Variants in TESPA1 observed in about 807,000 individuals in gnomAD.
TESPA1 encodes the protein protein TESPA1.
A neutral mutation model predicts 57.9 loss-of-function variants in TESPA1; 33 were observed. The ratio of observed to expected loss-of-function variants is 0.57; its 90% CI spans 0.43 to 0.76. The LOEUF (loss-of-function observed/expected upper bound fraction) is 0.76. Among genes scored for constraint, TESPA1 ranks in the 30% least tolerant of loss-of-function variants. TESPA1 has a pLI of 0.00. For synonymous variants in TESPA1, 227 were observed against 228.9 expected, an observed-to-expected ratio of 0.99 and a Z score of 0.07; for missense variants, 618 against 632.9, an observed-to-expected ratio of 0.98 and a Z score of 0.25.
At chr12:54,963,515 G>A (rs539612165) in intron 8 of TESPA1, among the ~76,000 whole-genome samples, 1 of 152,338 alleles carries the variant, frequency 6.6e-6, no homozygotes, top group Admixed American at 6.5e-5. Flanking sequence ...AGGCAAGAAG[G>A]CCTAAAGGAA....
chr12:54,968,101 T>A, intron 3 of TESPA1: 7 of 1,237,628 alleles, frequency 5.7e-6, no homozygotes, highest in African/African-American at 1.5e-5. Flanking sequence ...TGGAATGCAC[T>A]ATATTTTAGA....
In TESPA1 at chr12:54,962,928, T is replaced by G. The variant is rs757630791; in HGVS notation, c.970A>C (p.Lys324Gln). The change falls in exon 9 of 11, where the codon AAA becomes CAA. Residue 324 changes from lysine to glutamine, a missense_variant. Coordinates refer to ENST00000449076, the MANE Select transcript of TESPA1 (RefSeq NM_001136030.3). ...TGCTGGAGGAACTGCTTCTCTTCTT[T>G]CACTTTGTCCATCACTTCCAACACA... Reference protein sequence around the residue: ...QVVLEVMDKVKEEKQFLQQDS... With the variant: ...QVVLEVMDKVQEEKQFLQQDS... The G allele has an allele frequency of 3.1e-6, 5 of 1,613,718 alleles. No homozygotes were observed. The highest frequency in any genetic ancestry group is 4.2e-6 in the Non-Finnish European group (5 of 1,179,848).
Position 54,950,223 on chromosome 12 carries a change from T to C in TESPA1, c.*169A>G, listed in dbSNP as rs1188166099. On this transcript the variant is annotated 3_prime_UTR_variant, in exon 11 of 11. Coordinates refer to ENST00000449076, the MANE Select transcript of TESPA1 (RefSeq NM_001136030.3). ...TCCAAATCGCTCAGTCTGGTCTTCC[T>C]CCCCATGTACCATGCTGCCTTTCTC... The C allele has an allele frequency of 2.2e-6, 1 of 455,216 alleles. No homozygotes were observed. The highest frequency in any genetic ancestry group is 4.4e-6 in the Non-Finnish European group (1 of 226,718). 28.2% of individuals were successfully genotyped at this position (455,216 alleles called of 1,614,324 possible).
intron 1 of TESPA1, among the ~76,000 whole-genome samples, chr12:54,978,593 G>A (rs975734721): frequency 2.0e-5 from 3 of 152,062 alleles, no homozygotes; most frequent in Admixed American, 1.3e-4. Flanking sequence ...CTGCACATGC[G>A]ACCTTCACAT....
rs1236399993 is a variant in TESPA1 at position 54,950,814 on chromosome 12, TACCATTCC to T, written c.*2-432_*2-425del. Among the ~76,000 whole-genome samples, 6 of 152,300 alleles carry T rather than the reference TACCATTCC, an allele frequency of 3.9e-5. 1 individual carries two copies. Among genetic ancestry groups the T allele is most frequent in the Admixed American group, 3.9e-4 (6 of 15,296 alleles). ...CTACATAGTAGAATTCTCAAATTTT[TACCATTCC>T]TTTCCTGACTCACACTTTTTAGTAA... is the stretch of plus-strand genomic sequence containing the variant. On this transcript the variant is annotated intron_variant, in intron 10 of 10. Transcript: ENST00000449076.
chr12:54,981,023 A>C (rs1361548423), intron 1 of TESPA1, among the ~76,000 whole-genome samples: 3 of 152,128 alleles, frequency 2.0e-5, no homozygotes, highest in African/African-American at 4.8e-5. Context: ...GGCCTCAAGC[A>C]ATCCTCCCAC....
At chr12:54,974,238 G>T (rs1459456323) in intron 2 of TESPA1, among the ~76,000 whole-genome samples, 162 bp downstream of exon 2, 2 of 152,142 alleles carry the variant, frequency 1.3e-5, no homozygotes, top group African/African-American at 2.4e-5. Context: ...TTCATATTTC[G>T]TATTACTTTA....
At chr12:54,962,386 A>C in intron 9 of TESPA1, 45 bp downstream of exon 9, 1 of 1,580,322 alleles carries the variant, frequency 6.3e-7, no homozygotes, top group Non-Finnish European at 8.6e-7. Flanking sequence ...GAAAGAATCT[A>C]CAGCCTTTCT....
intron 10 of TESPA1, among the ~76,000 whole-genome samples, chr12:54,958,499 T>G (rs1029490486): frequency 6.6e-6 from 1 of 151,614 alleles, no homozygotes; most frequent in South Asian, 2.1e-4. Context: ...CGTTTTTTTG[T>G]GCGTGTGTTT....
At chr12:54,977,254 G>A (rs1331674957) in intron 1 of TESPA1, among the ~76,000 whole-genome samples, 1 of 152,228 alleles carries the variant, frequency 6.6e-6, no homozygotes, top group South Asian at 2.1e-4. Flanking sequence ...AATACTCATT[G>A]TCTAAACGAG....
intron 1 of TESPA1, among the ~76,000 whole-genome samples, chr12:54,979,008 A>G (rs537472561): frequency 3.9e-5 from 6 of 152,350 alleles, no homozygotes; most frequent in African/African-American, 1.4e-4. Context: ...GCACTGGGAA[A>G]TTATCCCCAA....
Position 54,963,824 on chromosome 12 carries a change from C to T in TESPA1, c.573G>A (p.Gln191=). The T allele has an allele frequency of 6.2e-7, 1 of 1,613,966 alleles. No individual in the cohort carries two copies. Among genetic ancestry groups the T allele is most frequent in the Non-Finnish European group, 8.5e-7 (1 of 1,179,872 alleles). The change falls in exon 8 of 11, where the codon CAG becomes CAA. Residue 191 remains glutamine, a synonymous_variant. Coordinates refer to ENST00000449076, the MANE Select transcript of TESPA1 (RefSeq NM_001136030.3). ...IPARFFTTPS[Q]AKGIDFQLFL... ...AGAGCTGGAAATCAATGCCCTTGGC[C>T]TGAGAGGGGGTGGTGAAAAATCGGG... is the stretch of plus-strand genomic sequence containing the variant.
At chr12:54,983,069 C>T (rs1346508937) in intron 1 of TESPA1, among the ~76,000 whole-genome samples, 3 of 152,186 alleles carry the variant, frequency 2.0e-5, no homozygotes, top group Non-Finnish European at 4.4e-5. Flanking sequence ...TTTCCCCTTA[C>T]TGTAGCCCAG....
At chr12:54,962,294 GA>G (rs1951126966) in intron 9 of TESPA1, 136 bp downstream of exon 9, 2 of 1,058,104 alleles carry the variant, frequency 1.9e-6, no homozygotes, top group East Asian at 2.4e-5. Flanking sequence ...ACCCTGAATT[GA>G]AATCAGAAAG....
Position 54,974,611 on chromosome 12 carries a change from A to G in TESPA1, c.-45-4T>C, listed in dbSNP as rs74092430. ...CTCCCGTAACAGTAATGCCGTCCTAAGAGTTGAAAAACAGTGATACTCCCT... is the reference window on the plus strand; with the variant it reads ...CTCCCGTAACAGTAATGCCGTCCTAGGAGTTGAAAAACAGTGATACTCCCT... On this transcript the variant is annotated splice_region_variant and splice_polypyrimidine_tract_variant and intron_variant, in intron 1 of 10. Transcript: ENST00000449076. The G allele has an allele frequency of 8.2e-3, 11,954 of 1,449,494 alleles. 865 individuals are homozygous for G. The African/African-American group carries it at 0.15, about 18-fold the overall frequency. 89.8% of individuals were successfully genotyped at this position (1,449,494 alleles called of 1,614,324 possible).
chr12:54,969,312 T>A (rs1011761868), intron 3 of TESPA1, among the ~76,000 whole-genome samples: 1 of 151,904 alleles, frequency 6.6e-6, no homozygotes, highest in Non-Finnish European at 1.5e-5. Context: ...ACTACAAACA[T>A]GTGTAACTGT....
At chr12:54,969,088 G>A (rs1302001759) in intron 3 of TESPA1, among the ~76,000 whole-genome samples, 1 of 142,336 alleles carries the variant, frequency 7.0e-6, no homozygotes, top group East Asian at 2.3e-4. Context: ...TCTTTTGCTT[G>A]TAACTCCTTT....
chr12:54,954,579 G>C (rs1397853268), intron 10 of TESPA1, among the ~76,000 whole-genome samples: 1 of 152,196 alleles, frequency 6.6e-6, no homozygotes, highest in Non-Finnish European at 1.5e-5. Context: ...TGTAAGAATT[G>C]CTTTTGAGGA....
At chr12:54,960,968 G>C (rs1310308132) in intron 10 of TESPA1, among the ~76,000 whole-genome samples, 200 bp downstream of exon 10, 1 of 152,076 alleles carries the variant, frequency 6.6e-6, no homozygotes, top group East Asian at 1.9e-4. Context: ...GCCAAAGCCT[G>C]GGCATCATTG....
Sources: allele counts gnomAD v4.1 joint callset (sites outside exome capture counted in the v4.1 genomes callset), GRCh38; gene constraint gnomAD v4.1.1; transcripts MANE v1.5; gene names NCBI Gene and HGNC (gene_info 2026-07-23, HGNC 2026-07-21).